Variants in TNKS observed in about 807,000 individuals in gnomAD.
The protein encoded by TNKS is poly [ADP-ribose] polymerase tankyrase-1.
Under a neutral mutation model 135.8 loss-of-function variants are expected in TNKS, and 72 were observed. That is an observed-to-expected ratio of 0.53 (90% CI 0.44 to 0.64). TNKS has a LOEUF of 0.64. Among genes scored for constraint, TNKS ranks in the 30% least tolerant of loss-of-function variants. TNKS has a pLI of 0.00. For synonymous variants in TNKS, 849 were observed against 649.3 expected (o/e 1.31, Z -4.68); for missense variants, 1,769 against 1,674.0 (o/e 1.06, Z -0.99).
intron 18 of TNKS, among the ~76,000 whole-genome samples, chr8:9,749,369 C>T (rs571388152): frequency 6.6e-6 from 1 of 152,292 alleles, no homozygotes; most frequent in South Asian, 2.1e-4. Flanking sequence ...GTTATCAGGG[C>T]CATCTACTCT....
At chr8:9,664,626 A>G (rs1373857737) in intron 3 of TNKS, among the ~76,000 whole-genome samples, 1 of 152,230 alleles carries the variant, frequency 6.6e-6, no homozygotes, top group Non-Finnish European at 1.5e-5. Flanking sequence ...CATATTTCTT[A>G]TTATAAATCA....
chr8:9,609,703 A>C (rs774184683), intron 2 of TNKS, among the ~76,000 whole-genome samples: 1 of 152,076 alleles, frequency 6.6e-6, no homozygotes, highest in Non-Finnish European at 1.5e-5. Flanking sequence ...TTTTTGTTTT[A>C]AATCTAGTTC....
intron 1 of TNKS, among the ~76,000 whole-genome samples, chr8:9,567,956 G>A (rs1585176276): frequency 6.6e-6 from 1 of 152,120 alleles, no homozygotes; most frequent in South Asian, 2.1e-4. Flanking sequence ...AAAAAAGGGG[G>A]GTATCATAGT....
At chr8:9,616,565 A>G (rs892969203) in intron 3 of TNKS, among the ~76,000 whole-genome samples, 7 of 152,230 alleles carry the variant, frequency 4.6e-5, no homozygotes, top group African/African-American at 4.8e-5. Flanking sequence ...GTTTAAGTTT[A>G]GAGTCCATGG....
intron 3 of TNKS, among the ~76,000 whole-genome samples, chr8:9,652,359 G>A (rs1054646175): frequency 2.6e-5 from 4 of 152,048 alleles, no homozygotes; most frequent in South Asian, 2.1e-4. Context: ...AATTATCTTC[G>A]TTTGAATACA....
intron 25 of TNKS, among the ~76,000 whole-genome samples, chr8:9,769,196 T>G (rs1458603787): frequency 1.3e-5 from 2 of 152,216 alleles, no homozygotes; most frequent in Middle Eastern, 3.2e-3. Flanking sequence ...TGTAAATGAA[T>G]GCATGGCTGT....
chr8:9,767,717 T>C (rs1405843109), intron 25 of TNKS, among the ~76,000 whole-genome samples: 2 of 152,062 alleles, frequency 1.3e-5, no homozygotes, highest in East Asian at 1.9e-4. Flanking sequence ...CCCAGCACTT[T>C]GGGAGGCCGA....
rs181717512 is a variant in TNKS, at chr8:9,677,907, C to G, written c.995-2044C>G. 3.7e-3 allele frequency among the ~76,000 whole-genome samples: 560 copies of G among 152,254 alleles called. 8 individuals carry two copies. The highest frequency in any genetic ancestry group is 0.025 in the Admixed American group (380 of 15,298). On this transcript the variant is annotated intron_variant, in intron 3 of 26. Coordinates refer to ENST00000310430, the MANE Select transcript of TNKS (RefSeq NM_003747.3). Reference sequence around the variant, plus strand: ...TGTGGTAGCTTCCTTCTCCCTGACCCTGCTTCACCTGAGGATTACTTGTCC... The same window carrying G: ...TGTGGTAGCTTCCTTCTCCCTGACCGTGCTTCACCTGAGGATTACTTGTCC...
intron 3 of TNKS, among the ~76,000 whole-genome samples, chr8:9,625,819 C>G (rs772591510): frequency 6.6e-6 from 1 of 152,132 alleles, no homozygotes; most frequent in Non-Finnish European, 1.5e-5. Context: ...GTTCATGGCT[C>G]AGGACATGGA....
At chr8:9,754,253 A>T (rs932276808) in intron 20 of TNKS, among the ~76,000 whole-genome samples, 1 of 152,178 alleles carries the variant, frequency 6.6e-6, no homozygotes, top group African/African-American at 2.4e-5. Context: ...ATGGCCCTAG[A>T]TATCTTTTTA....
intron 26 of TNKS, among the ~76,000 whole-genome samples, chr8:9,773,740 A>T (rs562811745): frequency 6.6e-6 from 1 of 152,080 alleles, no homozygotes; most frequent in African/African-American, 2.4e-5. Context: ...AAAAATGCCT[A>T]AATAAAAAAA....
At chr8:9,635,850 A>G (rs1423704388) in intron 3 of TNKS, among the ~76,000 whole-genome samples, 1 of 152,208 alleles carries the variant, frequency 6.6e-6, no homozygotes, top group African/African-American at 2.4e-5. Context: ...ATTACTCCAA[A>G]TCAAAGGAAA....
chr8:9,755,149 A>G (rs1326529602), intron 20 of TNKS, among the ~76,000 whole-genome samples: 1 of 152,198 alleles, frequency 6.6e-6, no homozygotes, highest in Admixed American at 6.6e-5. Context: ...TTATAATTTT[A>G]TGTGTTCTTT....
intron 26 of TNKS, among the ~76,000 whole-genome samples, chr8:9,771,377 A>AGAGAAGAAGGAAGG (rs777874667): frequency 3.4e-5 from 3 of 88,282 alleles, no homozygotes; most frequent in Non-Finnish European, 7.8e-5. Context: ...GAAGGGAGGG[A>AGAGAAGAAGGAAGG]GGGAAAGAGA....
intron 3 of TNKS, among the ~76,000 whole-genome samples, chr8:9,621,017 A>G (rs1799847237): frequency 6.6e-6 from 1 of 152,262 alleles, no homozygotes. Context: ...TTTCCAGGTC[A>G]TATAAATACT....
chr8:9,574,428 C>G (rs1563393246), intron 1 of TNKS, among the ~76,000 whole-genome samples: 1 of 152,130 alleles, frequency 6.6e-6, no homozygotes, highest in Non-Finnish European at 1.5e-5. Flanking sequence ...CTGTTTTTTT[C>G]CAACCCACTA....
At chr8:9,669,335 G>A (rs1480139827) in intron 3 of TNKS, among the ~76,000 whole-genome samples, 4 of 150,966 alleles carry the variant, frequency 2.6e-5, no homozygotes, top group Admixed American at 2.0e-4. Flanking sequence ...GGAGAATGGC[G>A]TGAACCCGGG....
At chr8:9,701,535 T>G (rs1372923968) in intron 5 of TNKS, among the ~76,000 whole-genome samples, 1 of 152,156 alleles carries the variant, frequency 6.6e-6, no homozygotes, top group African/African-American at 2.4e-5. Flanking sequence ...TCCAATTCAG[T>G]CATGAAAGAA....
At chr8:9,663,177 C>G (rs1046568309) in intron 3 of TNKS, among the ~76,000 whole-genome samples, 2 of 152,192 alleles carry the variant, frequency 1.3e-5, no homozygotes, top group Non-Finnish European at 2.9e-5. Flanking sequence ...CACATCCCTG[C>G]TCATCCATTT....
Sources: gnomAD v4.1 joint callset for allele counts (sites outside exome capture counted in the v4.1 genomes callset) on GRCh38, gnomAD v4.1.1 for gene constraint, MANE v1.5 for transcripts, NCBI Gene and HGNC (gene_info 2026-07-23, HGNC 2026-07-21) for gene names.